PLXDC1: variants seen among roughly 807,000 people sequenced by gnomAD.
PLXDC1 encodes the protein plexin domain-containing protein 1.
PLXDC1 carries 39 observed loss-of-function variants against 61.3 expected under a neutral mutation model. The ratio of observed to expected loss-of-function variants is 0.64; its 90% CI spans 0.49 to 0.83. PLXDC1 has a LOEUF of 0.83. Ranked by LOEUF, PLXDC1 falls within the 40% of genes least tolerant of loss-of-function variation. PLXDC1 has a pLI of 0.00. For synonymous variants in PLXDC1, 212 were observed against 254.5 expected (o/e 0.83, Z 1.59); for missense variants, 596 against 666.5 (o/e 0.89, Z 1.17).
In PLXDC1 at chr17:39,065,897, C is replaced by A. The variant is rs1370246162; in HGVS notation, c.*1943G>T. On this transcript the variant is annotated 3_prime_UTR_variant, in exon 14 of 14. Coordinates refer to ENST00000315392, the MANE Select transcript of PLXDC1 (RefSeq NM_020405.5). ...CCCACCCCACAGGCACATGCAGGCTCCAGGGAAAGCAAGTAGTTGGCAGGT... is the reference window on the plus strand; with the variant it reads ...CCCACCCCACAGGCACATGCAGGCTACAGGGAAAGCAAGTAGTTGGCAGGT... The A allele has an allele frequency of 1.3e-5, 2 of 152,704 alleles. No individual in the cohort carries two copies. Among genetic ancestry groups the A allele is most frequent in the African/African-American group, 4.8e-5 (2 of 41,454 alleles). The allele number at this position is 152,704 out of a possible 1,614,324, so 9.5% of individuals were successfully genotyped here.
intron 7 of PLXDC1, among the ~76,000 whole-genome samples, chr17:39,099,837 A>G (rs1910356453): frequency 6.6e-6 from 1 of 152,178 alleles, no homozygotes; most frequent in Middle Eastern, 3.4e-3. Flanking sequence ...TGGTAGGCAG[A>G]CGCTAGCATG....
chr17:39,071,807 G>GA (rs1909129579), intron 12 of PLXDC1, among the ~76,000 whole-genome samples: 1 of 152,126 alleles, frequency 6.6e-6, no homozygotes, highest in Admixed American at 6.5e-5. Flanking sequence ...TCTCCTGCTG[G>GA]AAGCCCTGAT....
In PLXDC1 at chr17:39,067,833, G is replaced by A. The variant is rs755137858; in HGVS notation, c.*7C>T. ...CTCAAAGTCTTCAAAGGGGAGACTT[G>A]GTGTTCTCAGCACTGCTCAGCCTCC... On this transcript the variant is annotated 3_prime_UTR_variant, in exon 14 of 14. Coordinates refer to ENST00000315392, the MANE Select transcript of PLXDC1 (RefSeq NM_020405.5). The A allele has an allele frequency of 6.8e-6, 11 of 1,608,158 alleles. No individual in the cohort carries two copies. In the East Asian group the frequency reaches 2.2e-4, roughly 33 times the overall value.
intron 2 of PLXDC1, among the ~76,000 whole-genome samples, chr17:39,124,248 C>A (rs990300152): frequency 1.3e-5 from 2 of 152,224 alleles, no homozygotes; most frequent in African/African-American, 4.8e-5. Context: ...TCCAGAAGTA[C>A]CTTCTGCATC....
intron 7 of PLXDC1, chr17:39,097,117 A>G (rs1444822145): frequency 4.9e-6 from 2 of 410,728 alleles, no homozygotes; most frequent in African/African-American, 4.2e-5. Context: ...TGGGGAGGAA[A>G]GTGTTTAGAA....
intron 7 of PLXDC1, among the ~76,000 whole-genome samples, chr17:39,088,885 G>A (rs1402931031): frequency 1.4e-5 from 2 of 142,594 alleles, no homozygotes; most frequent in Non-Finnish European, 3.0e-5. Flanking sequence ...GGAGGCAGAG[G>A]TTGCAGTCAG....
At position 39,109,295 on chromosome 17, in the gene PLXDC1, G is replaced by A; in HGVS notation, c.352C>T (p.Gln118Ter). Residue 118 changes from glutamine to a stop codon, truncating the protein, a stop_gained, in exon 3 of 14, where the codon CAA becomes TAA. Coordinates refer to ENST00000315392, the MANE Select transcript of PLXDC1 (RefSeq NM_020405.5). LOFTEE classifies it high-confidence loss of function. The part of the protein sequence containing the change: ...WVDVAEANRS[Q>*]VKIHTILSNT... ...GAGAGTATTGTGTGGATCTTCACTT[G>A]GCTCCGGTTGGCCTCGGCCACATCT... 6.2e-7 allele frequency: 1 copy of A among 1,612,472 alleles called. No individual in the cohort carries two copies. Among genetic ancestry groups the A allele is most frequent in the South Asian group, 1.1e-5 (1 of 90,554 alleles).
At chr17:39,138,489 G>C (rs1911826164) in intron 2 of PLXDC1, among the ~76,000 whole-genome samples, 1 of 152,328 alleles carries the variant, frequency 6.6e-6, no homozygotes, top group African/African-American at 2.4e-5. Flanking sequence ...TGCTCAGCGG[G>C]AGTATACAAA....
intron 7 of PLXDC1, among the ~76,000 whole-genome samples, chr17:39,091,854 G>C (rs919106042): frequency 1.3e-5 from 2 of 151,348 alleles, no homozygotes; most frequent in African/African-American, 4.9e-5. Flanking sequence ...AGCTACTTGG[G>C]AGGCTAAGGC....
chr17:39,108,205 T>A lies in PLXDC1; in HGVS notation c.510A>T (p.Thr170=). ...TCAGGGGCGCCACATACTGAGTAGCTGTGAGCATCCGATGGATCACGTCCC... is the reference window on the plus strand; with the variant it reads ...TCAGGGGCGCCACATACTGAGTAGCAGTGAGCATCCGATGGATCACGTCCC... ...FMGDVIHRML[T]ATQYVAPLMA... The change falls in exon 5 of 14, where the codon ACA becomes ACT. Residue 170 remains threonine (T), a synonymous_variant. Transcript: ENST00000315392. The A allele has an allele frequency of 6.2e-7, 1 of 1,614,112 alleles. No individual in the cohort carries two copies. The highest frequency in any genetic ancestry group is 2.2e-5 in the East Asian group (1 of 44,882).
intron 7 of PLXDC1, among the ~76,000 whole-genome samples, chr17:39,104,979 C>A (rs1420883982): frequency 6.6e-6 from 1 of 152,158 alleles, no homozygotes; most frequent in African/African-American, 2.4e-5. Flanking sequence ...ACGGCGGTAC[C>A]TTGCCCTTCT....
intron 2 of PLXDC1, 82 bp downstream of exon 2, chr17:39,139,572 G>T: frequency 6.1e-6 from 8 of 1,308,028 alleles, no homozygotes; most frequent in Non-Finnish European, 8.5e-6. Context: ...TGATTTGCAT[G>T]TAGGACAAGC....
At chr17:39,129,655 GAGAA>G (rs1332074511) in intron 2 of PLXDC1, among the ~76,000 whole-genome samples, 9 of 44,204 alleles carry the variant, frequency 2.0e-4, no homozygotes, top group East Asian at 1.0e-3. Flanking sequence ...GAGAGAGAGA[GAGAA>G]AGAAAGAAAG....
intron 5 of PLXDC1, 40 bp from the exon 6 acceptor site, chr17:39,107,565 T>C (rs748112560): frequency 1.4e-6 from 2 of 1,436,584 alleles, no homozygotes; most frequent in South Asian, 1.1e-5. Flanking sequence ...CGGGAGATCA[T>C]GCAAGGAGCA....
intron 6 of PLXDC1, 24 bp downstream of exon 6, chr17:39,107,383 G>A: frequency 3.6e-6 from 5 of 1,382,488 alleles, no homozygotes; most frequent in Non-Finnish European, 5.1e-6. Context: ...AGACCCAGCT[G>A]TCTCTGCAGC....
intron 6 of PLXDC1, among the ~76,000 whole-genome samples, chr17:39,106,648 C>CT (rs199666120): frequency 0.028 from 3,416 of 122,514 alleles, 212 homozygotes; most frequent in African/African-American, 0.072. Flanking sequence ...TTTTCTTTTT[C>CT]TTTCTTTTTT....
intron 2 of PLXDC1, among the ~76,000 whole-genome samples, chr17:39,118,940 A>G (rs1911076039): frequency 6.6e-6 from 1 of 152,228 alleles, no homozygotes; most frequent in Non-Finnish European, 1.5e-5. Context: ...AAAAGAAAAA[A>G]AGGAACCGAA....
chr17:39,124,900 AC>A (rs1281863161), intron 2 of PLXDC1, among the ~76,000 whole-genome samples: 3 of 152,066 alleles, frequency 2.0e-5, no homozygotes, highest in African/African-American at 4.8e-5. Context: ...TGCAACCTCC[AC>A]CTCCCGGGCT....
At chr17:39,113,556 T>C (rs1421871446) in intron 2 of PLXDC1, among the ~76,000 whole-genome samples, 1 of 152,166 alleles carries the variant, frequency 6.6e-6, no homozygotes, top group East Asian at 1.9e-4. Flanking sequence ...AAAATTGATT[T>C]TGGATTGAGC....
Sources: allele counts gnomAD v4.1 joint callset (sites outside exome capture counted in the v4.1 genomes callset), GRCh38; gene constraint gnomAD v4.1.1; transcripts MANE v1.5; gene names NCBI Gene and HGNC (gene_info 2026-07-23, HGNC 2026-07-21).